Variants in PCDHA2 observed in about 807,000 individuals in gnomAD.
The protein encoded by PCDHA2 is protocadherin alpha-2.
A neutral mutation model predicts 66.0 loss-of-function variants in PCDHA2; 58 were observed. The observed-to-expected ratio is 0.88, with a 90% CI of 0.71 to 1.09. The LOEUF (loss-of-function observed/expected upper bound fraction) is 1.09, where lower values mean the gene tolerates loss of function less well. Among genes scored for constraint, PCDHA2 ranks in the 50% least tolerant of loss-of-function variants. The pLI is 0.00. For synonymous variants in PCDHA2, 634 were observed against 554.0 expected, an observed-to-expected ratio of 1.14 and a Z score of -2.03; for missense variants, 1,267 against 1,242.3, an observed-to-expected ratio of 1.02 and a Z score of -0.30.
rs78166744 is a variant in PCDHA2, at chr5:140,875,394, G to A, written c.2388+78042G>A. Reference sequence around the variant, plus strand: ...TACTAAATATGTACTTACAGAAAAGGGTGACTGCTCATAAAATACCTCAGG... The same window carrying A: ...TACTAAATATGTACTTACAGAAAAGAGTGACTGCTCATAAAATACCTCAGG... On this transcript the variant is annotated intron_variant, in intron 1 of 3. Coordinates refer to ENST00000526136, the MANE Select transcript of PCDHA2 (RefSeq NM_018905.3). The A allele has an allele frequency of 1.4e-3, 2,104 of 1,476,976 alleles. 18 individuals carry two copies. The African/African-American group carries it at 0.02, about 14-fold the overall frequency. The allele number at this position is 1,476,976 out of a possible 1,614,324, so 91.5% of individuals were successfully genotyped here.
At chr5:140,823,177 C>T (rs2150123173) in intron 1 of PCDHA2, 4 of 1,613,900 alleles carry the variant, frequency 2.5e-6, no homozygotes, top group Non-Finnish European at 3.4e-6. Context: ...GGAGAACAAC[C>T]CGCCAGGCTG....
intron 1 of PCDHA2, chr5:140,876,391 G>T: frequency 6.2e-7 from 1 of 1,613,920 alleles, no homozygotes; most frequent in South Asian, 1.1e-5. Context: ...AATTTATGGT[G>T]AACTGGATTT....
At chr5:140,959,591 A>C (rs2095498403) in intron 1 of PCDHA2, among the ~76,000 whole-genome samples, 1 of 152,220 alleles carries the variant, frequency 6.6e-6, no homozygotes, top group African/African-American at 2.4e-5. Context: ...CTATCAGCCA[A>C]GTATAACATG....
intron 1 of PCDHA2, chr5:140,802,043 T>A (rs782776274): frequency 6.2e-7 from 1 of 1,614,190 alleles, no homozygotes; most frequent in Non-Finnish European, 8.5e-7. Flanking sequence ...ATTCTTTCAA[T>A]ACGGACATGT....
Position 140,802,054 on chromosome 5 carries a change from C to T in PCDHA2, c.2388+4702C>T, listed in dbSNP as rs17844253. 802 of 1,614,152 alleles carry T rather than the reference C, an allele frequency of 5.0e-4. 13 individuals carry two copies. In the East Asian group the frequency reaches 0.018, roughly 36 times the overall value. The stretch of plus-strand genomic sequence containing the variant: ...GCGTATTCTTTCAATACGGACATGT[C>T]AGCAGATATTCTGTCAAAATTCCAT... On this transcript the variant is annotated intron_variant, in intron 1 of 3. Transcript: ENST00000526136.
At chr5:140,876,056 T>G in intron 1 of PCDHA2, 1 of 1,613,918 alleles carries the variant, frequency 6.2e-7, no homozygotes, top group Non-Finnish European at 8.5e-7. Flanking sequence ...CCTGAATTAG[T>G]TCTTCGGAAG....
chr5:140,981,959 A>C (rs76200785), intron 2 of PCDHA2, among the ~76,000 whole-genome samples: 3,104 of 152,312 alleles, frequency 0.02, 114 homozygotes, highest in African/African-American at 0.071. Flanking sequence ...TCATCTATGC[A>C]TAAAAGATAT....
intron 1 of PCDHA2, chr5:140,809,098 G>A (rs1764362378): frequency 1.2e-6 from 2 of 1,613,858 alleles, no homozygotes; most frequent in Admixed American, 1.7e-5. Flanking sequence ...CGCGTGCCCT[G>A]GACGAAACGG....
chr5:140,828,210 A>G (rs200919454), intron 1 of PCDHA2: 5 of 1,613,938 alleles, frequency 3.1e-6, no homozygotes, highest in Non-Finnish European at 3.4e-6. Flanking sequence ...GAGGAGGCCA[A>G]ACACGGCACC....
In PCDHA2 at chr5:140,797,040, G is replaced by C. The variant is rs1439462657; in HGVS notation, c.2076G>C (p.Thr692=). ...AWVGAAGSEA[T]LVDVNVYLII... is the part of the protein sequence containing the mutation. ...TGGGCGCCGCGGGCTCAGAGGCTAC[G>C]CTGGTGGATGTCAACGTGTACCTGA... The change falls in exon 1 of 4, where the codon ACG becomes ACC. Residue 692 remains threonine, a synonymous_variant. Transcript: ENST00000526136. 6.2e-7 allele frequency: 1 copy of C among 1,613,618 alleles called. No individual in the cohort carries two copies. Among genetic ancestry groups the C allele is most frequent in the African/African-American group, 1.3e-5 (1 of 74,942 alleles).
At chr5:140,898,957 G>A (rs1165991766) in intron 1 of PCDHA2, among the ~76,000 whole-genome samples, 13 of 152,052 alleles carry the variant, frequency 8.5e-5, no homozygotes, top group Admixed American at 8.5e-4. Flanking sequence ...AAGCAGTTGT[G>A]AATGGGAGTT....
chr5:141,007,722 A>G (rs559470783), intron 3 of PCDHA2, among the ~76,000 whole-genome samples: 30 of 152,290 alleles, frequency 2.0e-4, no homozygotes, highest in African/African-American at 6.5e-4. Flanking sequence ...ACCAGGGAGA[A>G]CAAAGGTTAA....
At chr5:140,870,161 C>T (rs745813666) in intron 1 of PCDHA2, 10 of 1,614,124 alleles carry the variant, frequency 6.2e-6, no homozygotes, top group Non-Finnish European at 8.5e-6. Context: ...GCCGTGACTT[C>T]CTTGTCCCTC....
At position 140,928,347 on chromosome 5, in the gene PCDHA2, G is replaced by A. The variant is rs139222568; in HGVS notation, c.2389-50602G>A. 5 of 1,614,148 alleles carry A rather than the reference G, an allele frequency of 3.1e-6. No homozygotes were observed. The African/African-American group carries it at 5.3e-5, about 17-fold the overall frequency. On this transcript the variant is annotated intron_variant, in intron 1 of 3. Coordinates refer to ENST00000526136, the MANE Select transcript of PCDHA2 (RefSeq NM_018905.3). ...ATGGCCTTGTCTCTTATGAGCTGTT[G>A]GATGTTATCTCTGAAGGGCCATCAG...
At chr5:140,978,903 C>T in intron 1 of PCDHA2, 46 bp from the exon 2 acceptor site, 4 of 1,613,202 alleles carry the variant, frequency 2.5e-6, no homozygotes, top group Middle Eastern at 1.7e-4. Flanking sequence ...CCTGGGAGAA[C>T]ATTGTCTTGT....
At chr5:140,969,359 C>A (rs1554231722) in intron 1 of PCDHA2, 2 of 1,611,118 alleles carry the variant, frequency 1.2e-6, no homozygotes, top group Admixed American at 3.4e-5. Flanking sequence ...GGGTCTTCTA[C>A]AAACTCATGC....
At chr5:140,849,357 G>A in intron 1 of PCDHA2, 1 of 1,458,086 alleles carries the variant, frequency 6.9e-7, no homozygotes, top group Non-Finnish European at 9.4e-7. Flanking sequence ...TGTTTCTCCA[G>A]ATATAAAATC....
At chr5:140,829,972 C>T (rs1344342673) in intron 1 of PCDHA2, 1 of 1,613,888 alleles carries the variant, frequency 6.2e-7, no homozygotes, top group African/African-American at 1.3e-5. Context: ...TGGGGCTGTA[C>T]ACGGGCGAGA....
intron 1 of PCDHA2, among the ~76,000 whole-genome samples, chr5:140,975,776 A>G (rs1554237009): frequency 1.3e-5 from 2 of 152,152 alleles, no homozygotes; most frequent in African/African-American, 2.4e-5. Flanking sequence ...AGATAATACC[A>G]TTACAAGATA....
Sources: allele counts gnomAD v4.1 joint callset (sites outside exome capture counted in the v4.1 genomes callset), GRCh38; gene constraint gnomAD v4.1.1; transcripts MANE v1.5; gene names NCBI Gene and HGNC (gene_info 2026-07-23, HGNC 2026-07-21).